NBEA: variants seen among roughly 807,000 people sequenced by gnomAD.
NBEA encodes the protein neurobeachin, also known as lysosomal-trafficking regulator 2.
Under a neutral mutation model 343.4 loss-of-function variants are expected in NBEA, and 44 were observed. The ratio of observed to expected loss-of-function variants is 0.13; its 90% CI spans 0.10 to 0.16. The LOEUF is 0.16. NBEA is among the 10% of genes least tolerant of loss of function. The pLI, the probability that NBEA is intolerant of heterozygous loss-of-function variation, is 1.00. For missense variants in NBEA, 2,555 were observed against 3,631.3 expected (o/e 0.70, Z 7.62); for synonymous variants, 1,175 against 1,238.7 (o/e 0.95, Z 1.08).
chr13:35,069,239 G>T (rs1386000080), intron 8 of NBEA, among the ~76,000 whole-genome samples: 8 of 151,954 alleles, frequency 5.3e-5, no homozygotes, highest in Non-Finnish European at 1.0e-4. Flanking sequence ...TATTGCAAAG[G>T]TTAAATATTA....
intron 41 of NBEA, among the ~76,000 whole-genome samples, chr13:35,519,566 A>G (rs928552189): frequency 6.6e-5 from 10 of 152,232 alleles, no homozygotes; most frequent in African/African-American, 2.4e-4. Flanking sequence ...TGGCCTTGTA[A>G]ATAGCATTCA....
chr13:35,149,768 G>A (rs532388618), intron 18 of NBEA, among the ~76,000 whole-genome samples: 2 of 152,286 alleles, frequency 1.3e-5, no homozygotes, highest in African/African-American at 4.8e-5. Flanking sequence ...TGAGTAGTCA[G>A]TGCAACTTTA....
chr13:35,509,546 C>G (rs901936595), intron 41 of NBEA, among the ~76,000 whole-genome samples: 5 of 152,278 alleles, frequency 3.3e-5, no homozygotes, highest in African/African-American at 1.2e-4. Flanking sequence ...CAGAGAGAGG[C>G]CTCTAAGTTT....
intron 38 of NBEA, among the ~76,000 whole-genome samples, chr13:35,376,415 T>G (rs999881683): frequency 6.6e-6 from 1 of 152,172 alleles, no homozygotes; most frequent in Admixed American, 6.6e-5. Flanking sequence ...AATTCTCTCA[T>G]TTTTTCTTAC....
At chr13:35,339,407 T>C (rs2039453804) in intron 36 of NBEA, among the ~76,000 whole-genome samples, 1 of 151,926 alleles carries the variant, frequency 6.6e-6, no homozygotes, top group South Asian at 2.1e-4. Context: ...CCATTAACAA[T>C]AAAGTCAAAA....
At chr13:35,000,789 T>G in intron 1 of NBEA, among the ~76,000 whole-genome samples, 1 of 150,988 alleles carries the variant, frequency 6.6e-6, no homozygotes, top group Non-Finnish European at 1.5e-5. Context: ...CACATATTAT[T>G]GTTTTTTTAA....
intron 36 of NBEA, among the ~76,000 whole-genome samples, chr13:35,328,599 T>C (rs1041943205): frequency 6.6e-6 from 1 of 151,914 alleles, no homozygotes; most frequent in Non-Finnish European, 1.5e-5. Flanking sequence ...GATCAAAATG[T>C]CTCATGCACC....
intron 10 of NBEA, among the ~76,000 whole-genome samples, chr13:35,072,160 C>A (rs1438648679): frequency 6.6e-6 from 1 of 151,998 alleles, no homozygotes. Flanking sequence ...ATATTATGAT[C>A]AGTATTTAAA....
intron 2 of NBEA, among the ~76,000 whole-genome samples, chr13:35,043,239 C>T (rs1306716016): frequency 6.6e-6 from 1 of 151,638 alleles, no homozygotes; most frequent in African/African-American, 2.4e-5. Context: ...GTTACATATA[C>T]AATATGCAAG....
At chr13:35,000,643 A>G (rs1179520056) in intron 1 of NBEA, among the ~76,000 whole-genome samples, 1 of 151,606 alleles carries the variant, frequency 6.6e-6, no homozygotes, top group Non-Finnish European at 1.5e-5. Flanking sequence ...ATGCAGGGAT[A>G]CTGATCGAGC....
chr13:35,602,577 TG>T (rs957537522), intron 47 of NBEA, among the ~76,000 whole-genome samples: 1 of 152,244 alleles, frequency 6.6e-6, no homozygotes, highest in Admixed American at 6.5e-5. Flanking sequence ...GTTTAGTGAT[TG>T]TTTCCATTAT....
chr13:35,109,149 T>C (rs577790110), intron 11 of NBEA, 141 bp from the exon 12 acceptor site: 2 of 742,994 alleles, frequency 2.7e-6, no homozygotes, highest in African/African-American at 3.6e-5. Flanking sequence ...AGTTATATTT[T>C]AATAGCAAAG....
At chr13:35,210,986 A>G (rs1332719464) in intron 32 of NBEA, 67 bp from the exon 33 acceptor site, 11 of 1,455,702 alleles carry the variant, frequency 7.6e-6, no homozygotes, top group Non-Finnish European at 1.0e-5. Context: ...TCAGATAGTA[A>G]TGGTGTAATT....
At chr13:35,274,804 T>G (rs2034457344) in intron 34 of NBEA, among the ~76,000 whole-genome samples, 1 of 152,152 alleles carries the variant, frequency 6.6e-6, no homozygotes, top group Non-Finnish European at 1.5e-5. Flanking sequence ...ATAAAGGATG[T>G]GAAGGACCTC....
chr13:35,320,597 A>G (rs550673528), intron 36 of NBEA, among the ~76,000 whole-genome samples: 2 of 152,242 alleles, frequency 1.3e-5, no homozygotes, highest in Admixed American at 6.5e-5. Context: ...CTCGAGGAGT[A>G]TCTTTGTGAT....
chr13:35,578,404 C>G (rs1367477830), intron 45 of NBEA, among the ~76,000 whole-genome samples: 3 of 152,140 alleles, frequency 2.0e-5, no homozygotes, highest in Non-Finnish European at 4.4e-5. Flanking sequence ...ACCTGTAATA[C>G]CAGCACTTTG....
intron 31 of NBEA, among the ~76,000 whole-genome samples, chr13:35,206,850 A>G (rs945551386): frequency 5.3e-5 from 8 of 152,108 alleles, no homozygotes; most frequent in South Asian, 2.1e-4. Context: ...TATAGTCCAC[A>G]TCTTATATTC....
chr13:34,943,222 C>A, intron 1 of NBEA, 108 bp downstream of exon 1: 2 of 1,424,384 alleles, frequency 1.4e-6, no homozygotes, highest in Non-Finnish European at 1.9e-6. Context: ...GCCGCGCGTC[C>A]CTGGGAGCGC....
chr13:35,064,170 A>G (rs113070042), intron 8 of NBEA, among the ~76,000 whole-genome samples: 2,511 of 120,422 alleles, frequency 0.021, 69 homozygotes, highest in African/African-American at 0.054. Flanking sequence ...TATGGACAGG[A>G]TTTAAAGGTA....
Sources: allele counts gnomAD v4.1 joint callset (sites outside exome capture counted in the v4.1 genomes callset), GRCh38; gene constraint gnomAD v4.1.1; transcripts MANE v1.5; gene names NCBI Gene and HGNC (gene_info 2026-07-23, HGNC 2026-07-21).